The following TMEFF2 variants were observed in gnomAD, a reference collection of about 807,000 sequenced individuals.
The protein encoded by TMEFF2 is transmembrane protein with EGF like and two follistatin like domains 2.
A neutral mutation model predicts 53.8 loss-of-function variants in TMEFF2; 28 were observed. The observed-to-expected ratio is 0.52, with a 90% confidence interval of 0.39 to 0.71. The LOEUF is 0.71. Ranked by LOEUF, TMEFF2 falls within the 30% of genes least tolerant of loss-of-function variation. TMEFF2 has a pLI of 0.00. For synonymous variants in TMEFF2, 162 were observed against 166.3 expected, an observed-to-expected ratio of 0.97 and a Z score of 0.20; for missense variants, 353 against 455.2, an observed-to-expected ratio of 0.78 and a Z score of 2.04.
chr2:191,949,412 T>C lies in TMEFF2; in HGVS notation c.*899A>G, dbSNP rs1691800747. On this transcript the variant is annotated 3_prime_UTR_variant, in exon 10 of 10. Transcript: ENST00000272771. Reference sequence around the variant, plus strand: ...ATGGGGTATTGGTTGTGATTCTAACTTCTTTTCAAAGAACTATATACTATA... The same window carrying C: ...ATGGGGTATTGGTTGTGATTCTAACCTCTTTTCAAAGAACTATATACTATA... 1.0e-6 allele frequency: 1 copy of C among 985,416 alleles called. No individual in the cohort carries two copies. The highest frequency in any genetic ancestry group is 1.2e-6 in the Non-Finnish European group (1 of 829,896). The allele number at this position is 985,416 out of a possible 1,614,324, so 61.0% of individuals were successfully genotyped here.
chr2:192,007,879 C>T (rs1321351313), intron 5 of TMEFF2, among the ~76,000 whole-genome samples: 1 of 152,160 alleles, frequency 6.6e-6, no homozygotes, highest in Non-Finnish European at 1.5e-5. Context: ...TGGCTCGCTA[C>T]TTAAGGCATA....
intron 4 of TMEFF2, among the ~76,000 whole-genome samples, chr2:192,168,103 C>T (rs762686884): frequency 1.5e-4 from 23 of 152,044 alleles, no homozygotes; most frequent in Non-Finnish European, 2.8e-4. Context: ...CAGATGGAGG[C>T]TCCATTTTTC....
chr2:192,192,715 C>T (rs1691492716), intron 1 of TMEFF2, among the ~76,000 whole-genome samples: 1 of 152,122 alleles, frequency 6.6e-6, no homozygotes, highest in Admixed American at 6.5e-5. Context: ...TAGTTATTTC[C>T]TAAAACAATG....
Position 192,099,600 on chromosome 2 carries a change from C to T in TMEFF2, c.440-41825G>A, listed in dbSNP as rs568231132. On this transcript the variant is annotated intron_variant, in intron 4 of 9. Transcript: ENST00000272771. ...AACTTAAATTGTCCAGGTTATTTGG[C>T]GATTTCAGATGGCCCATATACGAAG... Among the ~76,000 whole-genome samples, 7 of 152,188 alleles carry T rather than the reference C, an allele frequency of 4.6e-5. No homozygotes were observed. In the South Asian group the frequency reaches 1.2e-3, roughly 27 times the overall value.
chr2:192,134,077 T>G (rs1025095628), intron 4 of TMEFF2, among the ~76,000 whole-genome samples: 2 of 152,184 alleles, frequency 1.3e-5, no homozygotes, highest in African/African-American at 4.8e-5. Flanking sequence ...CTGCCACTGC[T>G]TTAATACTTT....
At chr2:192,000,704 C>T (rs898389662) in intron 5 of TMEFF2, among the ~76,000 whole-genome samples, 1 of 152,166 alleles carries the variant, frequency 6.6e-6, no homozygotes, top group African/African-American at 2.4e-5. Context: ...CCATCTGTGT[C>T]AGAATTACCT....
chr2:192,101,159 T>G (rs1009763116), intron 4 of TMEFF2, among the ~76,000 whole-genome samples: 2 of 152,214 alleles, frequency 1.3e-5, no homozygotes, highest in African/African-American at 4.8e-5. Context: ...TTACTGTGTT[T>G]CAGCAGCTTA....
intron 4 of TMEFF2, among the ~76,000 whole-genome samples, chr2:192,064,250 T>C (rs1688116562): frequency 1.3e-5 from 2 of 151,846 alleles, no homozygotes; most frequent in Non-Finnish European, 2.9e-5. Context: ...TTTAAATTAT[T>C]CTATTACTTC....
chr2:192,160,371 C>T (rs1299324286), intron 4 of TMEFF2, among the ~76,000 whole-genome samples: 2 of 152,068 alleles, frequency 1.3e-5, no homozygotes, highest in Admixed American at 6.6e-5. Context: ...GTTTAAGATA[C>T]CATATTTTAC....
chr2:192,079,067 T>C (rs941702912), intron 4 of TMEFF2, among the ~76,000 whole-genome samples: 5 of 152,200 alleles, frequency 3.3e-5, no homozygotes, highest in Non-Finnish European at 7.3e-5. Flanking sequence ...GGCAGTTGGC[T>C]GAGCACCTTC....
At chr2:192,161,579 G>C (rs1483010922) in intron 4 of TMEFF2, among the ~76,000 whole-genome samples, 1 of 152,220 alleles carries the variant, frequency 6.6e-6, no homozygotes, top group Non-Finnish European at 1.5e-5. Context: ...TATAGTGTAA[G>C]CAATTAGTCA....
chr2:192,131,776 C>T (rs1689837816), intron 4 of TMEFF2, among the ~76,000 whole-genome samples: 1 of 152,138 alleles, frequency 6.6e-6, no homozygotes, highest in African/African-American at 2.4e-5. Context: ...TCTCACCTGA[C>T]CTAAAATCAA....
At chr2:191,960,598 A>T (rs2105791778) in intron 7 of TMEFF2, among the ~76,000 whole-genome samples, 1 of 152,294 alleles carries the variant, frequency 6.6e-6, no homozygotes, top group Non-Finnish European at 1.5e-5. Flanking sequence ...TGGTCAAATG[A>T]TATTTCTCTG....
chr2:191,972,168 C>T (rs1176116378), intron 7 of TMEFF2, among the ~76,000 whole-genome samples: 3 of 148,374 alleles, frequency 2.0e-5, no homozygotes, highest in Admixed American at 6.7e-5. Context: ...TTTTTTAGAC[C>T]GAGTCTCACT....
At chr2:192,134,879 T>C (rs992310104) in intron 4 of TMEFF2, among the ~76,000 whole-genome samples, 12 of 152,132 alleles carry the variant, frequency 7.9e-5, no homozygotes, top group Non-Finnish European at 1.5e-4. Context: ...TTCAGGCTCT[T>C]AGTATTCAGT....
chr2:191,985,722 T>A (rs1685959882), intron 7 of TMEFF2, among the ~76,000 whole-genome samples: 1 of 152,232 alleles, frequency 6.6e-6, no homozygotes, highest in East Asian at 1.9e-4. Flanking sequence ...ACAGTAATTA[T>A]TGTGGCAAAG....
At chr2:192,012,196 C>G (rs1413844815) in intron 5 of TMEFF2, among the ~76,000 whole-genome samples, 1 of 152,206 alleles carries the variant, frequency 6.6e-6, no homozygotes, top group Admixed American at 6.5e-5. Context: ...AGCCACTGCG[C>G]CTGGCCTACA....
chr2:192,068,150 G>T (rs958084882), intron 4 of TMEFF2, among the ~76,000 whole-genome samples: 6 of 151,862 alleles, frequency 4.0e-5, no homozygotes, highest in Admixed American at 3.9e-4. Flanking sequence ...TCAGCTCACA[G>T]GCTGTGGAGC....
chr2:192,069,964 A>ATGTGTGTGTGTGTGTGTGTG (rs377496762), intron 4 of TMEFF2, among the ~76,000 whole-genome samples: 1 of 86,594 alleles, frequency 1.2e-5, no homozygotes. Context: ...ATTTAGAAAA[A>ATGTGTGTGTGTGTGTGTGTG]TGTGTGTGTG....
Sources: gnomAD v4.1 joint callset for allele counts (sites outside exome capture counted in the v4.1 genomes callset) on GRCh38, gnomAD v4.1.1 for gene constraint, MANE v1.5 for transcripts, NCBI Gene and HGNC (gene_info 2026-07-23, HGNC 2026-07-21) for gene names.